The following ZNF124 variants were observed in gnomAD, a reference collection of about 807,000 sequenced individuals.
ZNF124 encodes zinc finger protein 124.
In ZNF124, 25 loss-of-function variants were observed where a neutral mutation model predicts 26.6. That is an observed-to-expected ratio of 0.94 (90% CI 0.68 to 1.31). The LOEUF (loss-of-function observed/expected upper bound fraction) is 1.31. ZNF124 is among the 40% of genes most tolerant of loss of function. The pLI is 0.00. For synonymous variants in ZNF124, 129 were observed against 133.3 expected (o/e 0.97, Z 0.22); for missense variants, 444 against 422.2 (o/e 1.05, Z -0.45).
chr1:247,153,208 AT>A (rs1038147136), downstream of ZNF124, among the ~76,000 whole-genome samples: 9 of 152,008 alleles, frequency 5.9e-5, no homozygotes, highest in South Asian at 2.1e-4. Context: ...ATGTTACTTG[AT>A]TTTTTTCAAT....
At position 247,159,139 on chromosome 1, in the gene ZNF124, T is replaced by C. The variant is rs1396129790; in HGVS notation, c.158-73A>G. ...AAAAATTACTAGACTCTAGGTGCTATGTTGGGGATATGGTTTGTACCCACC... is the reference window on the plus strand; with the variant it reads ...AAAAATTACTAGACTCTAGGTGCTACGTTGGGGATATGGTTTGTACCCACC... On this transcript the variant is annotated intron_variant, in intron 2 of 3. Transcript: ENST00000543802. 10 of 1,425,722 alleles carry C rather than the reference T, an allele frequency of 7.0e-6. No individual in the cohort carries two copies. In the Admixed American group the frequency reaches 1.6e-4, roughly 23 times the overall value. 88.3% of individuals were successfully genotyped at this position (1,425,722 alleles called of 1,614,324 possible). A position where few individuals can be genotyped will look rare whatever the true frequency, so the allele number is the denominator to read the frequency against.
At chr1:247,153,824 G>A (rs971994480), downstream of ZNF124, among the ~76,000 whole-genome samples, 4 of 152,200 alleles carry the variant, frequency 2.6e-5, no homozygotes, top group African/African-American at 9.7e-5. Flanking sequence ...ATGCTGGTGA[G>A]CAGCCATGCT....
chr1:247,137,769 A>G (rs188814655), intron 3 of ZNF124, among the ~76,000 whole-genome samples: 1 of 152,174 alleles, frequency 6.6e-6, no homozygotes, highest in Non-Finnish European at 1.5e-5. Context: ...ACAAGAAAAA[A>G]CAAAAAACTC....
rs60179768 is a variant in ZNF124 at position 247,155,421 on chromosome 1, G to A, written c.*1145C>T. On this transcript the variant is annotated 3_prime_UTR_variant, in exon 4 of 4. Coordinates refer to ENST00000543802, the MANE Select transcript of ZNF124 (RefSeq NM_001297568.2). ...AAAAAATATTTTTTAAAATGGCTAT[G>A]CAAGAAAAAAGGAAAAGAAATACAT... Among the ~76,000 whole-genome samples the A allele has an allele frequency of 2.6e-5, 4 of 151,698 alleles. No individual in the cohort carries two copies. Among genetic ancestry groups the A allele is most frequent in the Admixed American group, 2.6e-4 (4 of 15,248 alleles).
At chr1:247,130,886 A>T (rs1672340981) in intron 3 of ZNF124, among the ~76,000 whole-genome samples, 1 of 151,744 alleles carries the variant, frequency 6.6e-6, no homozygotes. Context: ...GACCAGCCTG[A>T]CCAACATGGT....
Position 247,159,726 on chromosome 1 carries a change from C to A in ZNF124, c.118G>T (p.Asp40Tyr). ...LDPSQKNLYR[D>Y]VMQETFRNLA... The stretch of plus-strand genomic sequence containing the variant: ...TTCCTGAAGGTTTCCTGCATCACGT[C>A]TCTATAGAGATTCTTCTGGGAAGGA... Residue 40 changes from aspartate to tyrosine, a missense_variant, in exon 2 of 4, where the codon GAC becomes TAC. By Grantham distance (160) the Asp-to-Tyr change is radical (BLOSUM62 -3). Coordinates refer to ENST00000543802, the MANE Select transcript of ZNF124 (RefSeq NM_001297568.2). 6.2e-7 allele frequency: 1 copy of A among 1,613,592 alleles called. No homozygotes were observed. Among genetic ancestry groups the A allele is most frequent in the African/African-American group, 1.3e-5 (1 of 74,998 alleles).
chr1:247,125,433 T>C (rs1029012126), intron 3 of ZNF124, among the ~76,000 whole-genome samples: 9 of 90,572 alleles, frequency 9.9e-5, no homozygotes, highest in African/African-American at 4.6e-4. Flanking sequence ...TTTTTGTCTT[T>C]TTTTTTTTTT....
At chr1:247,145,451 G>A (rs1672738255) in intron 3 of ZNF124, among the ~76,000 whole-genome samples, 1 of 152,088 alleles carries the variant, frequency 6.6e-6, no homozygotes, top group Non-Finnish European at 1.5e-5. Flanking sequence ...AAAGGTCGGT[G>A]AAGTCATTCT....
intron 1 of ZNF124, among the ~76,000 whole-genome samples, chr1:247,162,770 CAA>C (rs761858324): frequency 1.3e-5 from 2 of 152,118 alleles, no homozygotes; most frequent in Admixed American, 6.5e-5. Flanking sequence ...GCACCCAACA[CAA>C]GAGCACTCAG....
chr1:247,166,634 A>C (rs961179412), intron 1 of ZNF124, among the ~76,000 whole-genome samples: 2 of 152,224 alleles, frequency 1.3e-5, no homozygotes, highest in Non-Finnish European at 2.9e-5. Flanking sequence ...AAAGTCTCTA[A>C]GGGCACACCA....
At chr1:247,134,360 A>G (rs185393198) in intron 3 of ZNF124, among the ~76,000 whole-genome samples, 1 of 152,340 alleles carries the variant, frequency 6.6e-6, no homozygotes, top group African/African-American at 2.4e-5. Flanking sequence ...CAGGAGACCT[A>G]TCTTATGTGC....
intron 3 of ZNF124, among the ~76,000 whole-genome samples, chr1:247,134,824 A>G (rs1017424773): frequency 2.6e-5 from 4 of 152,202 alleles, no homozygotes; most frequent in African/African-American, 9.6e-5. Flanking sequence ...CATGGCACTT[A>G]TTCTCAAATC....
intron 3 of ZNF124, among the ~76,000 whole-genome samples, chr1:247,144,438 A>G (rs1672708486): frequency 6.6e-6 from 1 of 152,214 alleles, no homozygotes; most frequent in African/African-American, 2.4e-5. Flanking sequence ...GGCTTGGGGC[A>G]GTTAGGGGAA....
At chr1:247,138,654 T>C (rs1159196507) in intron 3 of ZNF124, 3 of 398,284 alleles carry the variant, frequency 7.5e-6, no homozygotes, top group Admixed American at 8.8e-5. Context: ...ATCAATCACA[T>C]GGCAATTCCT....
At chr1:247,130,507 G>A (rs1672324603) in intron 3 of ZNF124, among the ~76,000 whole-genome samples, 1 of 152,232 alleles carries the variant, frequency 6.6e-6, no homozygotes, top group Non-Finnish European at 1.5e-5. Flanking sequence ...GGATGACTCT[G>A]TTTCCTGTTA....
intron 3 of ZNF124, among the ~76,000 whole-genome samples, chr1:247,141,992 C>T (rs1332992940): frequency 2.0e-5 from 3 of 152,234 alleles, no homozygotes; most frequent in African/African-American, 7.2e-5. Context: ...ACCATGGACT[C>T]CCAGGTGGCC....
chr1:247,166,854 A>G (rs546948126), intron 1 of ZNF124, among the ~76,000 whole-genome samples: 3 of 152,364 alleles, frequency 2.0e-5, no homozygotes, highest in African/African-American at 4.8e-5. Flanking sequence ...AAATACCAAC[A>G]AACCATATTT....
At chr1:247,140,195 T>C (rs904529225) in intron 3 of ZNF124, among the ~76,000 whole-genome samples, 1 of 152,244 alleles carries the variant, frequency 6.6e-6, no homozygotes, top group Non-Finnish European at 1.5e-5. Flanking sequence ...TTTTATTCTT[T>C]TTAATTTTTC....
chr1:247,158,924 T>C lies in ZNF124; in HGVS notation c.218+82A>G, dbSNP rs1047737712. The C allele has an allele frequency of 9.9e-6, 13 of 1,317,670 alleles. No individual in the cohort carries two copies. In the African/African-American group the frequency reaches 1.8e-4, roughly 18 times the overall value. The allele number at this position is 1,317,670 out of a possible 1,614,324, so 81.6% of individuals were successfully genotyped here. A position where few individuals can be genotyped will look rare whatever the true frequency, so the allele number is the denominator to read the frequency against. On this transcript the variant is annotated intron_variant, in intron 3 of 3. Coordinates refer to ENST00000543802, the MANE Select transcript of ZNF124 (RefSeq NM_001297568.2). ...GATTACAGGTGTGAGCCACCATGCC[T>C]GGCCTTGTTTGCTTTAAACATATGA...
Sources: allele counts gnomAD v4.1 joint callset (sites outside exome capture counted in the v4.1 genomes callset), GRCh38; gene constraint gnomAD v4.1.1; transcripts MANE v1.5; gene names NCBI Gene and HGNC (gene_info 2026-07-23, HGNC 2026-07-21).